Variants in DCHS1 observed in about 807,000 individuals in gnomAD.
DCHS1 encodes protocadherin-16.
DCHS1 carries 78 observed loss-of-function variants against 213.9 expected under a neutral mutation model. That is an observed-to-expected ratio of 0.36 (90% CI 0.30 to 0.44). The LOEUF (loss-of-function observed/expected upper bound fraction) is 0.44, where lower values mean the gene tolerates loss of function less well. Ranked by LOEUF, DCHS1 falls within the 20% of genes least tolerant of loss-of-function variation. The pLI is 1.00. For missense variants in DCHS1, 3,946 were observed against 4,395.9 expected (o/e 0.90, Z 2.89); for synonymous variants, 1,828 against 1,873.7 (o/e 0.98, Z 0.63).
chr11:6,633,262 G>A (rs1220053390), intron 5 of DCHS1, 150 bp downstream of exon 5: 7 of 1,020,430 alleles, frequency 6.9e-6, no homozygotes, highest in Non-Finnish European at 1.0e-5. Context: ...TGCCTGCACT[G>A]TGCCTAAGGA....
intron 1 of DCHS1, among the ~76,000 whole-genome samples, chr11:6,648,149 T>C (rs1418631438): frequency 6.6e-6 from 1 of 152,196 alleles, no homozygotes; most frequent in Non-Finnish European, 1.5e-5. Context: ...AGCCTGCAGC[T>C]TAGCATAGAG....
chr11:6,639,845 C>T lies in DCHS1; in HGVS notation c.1769G>A (p.Gly590Asp). The change falls in exon 2 of 21, where the codon GGC becomes GAC. Residue 590 changes from glycine (G) to aspartate (D), a missense_variant. Coordinates refer to ENST00000299441, the MANE Select transcript of DCHS1 (RefSeq NM_003737.4). ...RTFYNASLPE[G>D]TQPGTCFLQV... ...CAGGAAGCAAGTTCCAGGCTGGGTG[C>T]CCTCAGGCAGTGAGGCATTGTAGAA... 1.9e-6 allele frequency: 3 copies of T among 1,605,882 alleles called. No individual in the cohort carries two copies. Among genetic ancestry groups the T allele is most frequent in the East Asian group, 4.5e-5 (2 of 44,736 alleles).
rs775960275 is a variant in DCHS1, at chr11:6,623,037, C to G, written c.8639G>C (p.Gly2880Ala). The G allele has an allele frequency of 1.5e-5, 23 of 1,574,208 alleles. No homozygotes were observed. In the Admixed American group the frequency reaches 4.2e-4, roughly 29 times the overall value. ...LRVDSRAPGS[G>A]TATSGGGGRT... ...GCCCCCACCCCCAGAGGTGGCTGTT[C>G]CGCTGCCTGGTGCCCGACTGTCCAC... Residue 2880 changes from glycine (G) to alanine (A), a missense_variant, in exon 21 of 21, where the codon GGA becomes GCA. Around this residue, in one of 3 missense-constraint regions of DCHS1, gnomAD observed 554 missense variants for 590.2 expected, o/e 0.94. Coordinates refer to ENST00000299441, the MANE Select transcript of DCHS1 (RefSeq NM_003737.4).
In DCHS1 at chr11:6,627,171, A is replaced by G. The variant is rs752047205; in HGVS notation, c.5868T>C (p.His1956=). ...GAGGACTGGTGGGGAAGGTGGGTGC[A>G]TGGTCATTGACATCGCGCACCGTGA... is the stretch of plus-strand genomic sequence containing the variant. ...VTITVRDVND[H]APTFPTSPLR... is the part of the protein sequence containing the mutation. The change falls in exon 14 of 21, where the codon CAT becomes CAC. Residue 1956 remains histidine (H), a synonymous_variant. Transcript: ENST00000299441. This position sits in a 1 kb window ranked among gnomAD's most constrained non-coding sequence, Gnocchi z 5.4. 7.6e-5 allele frequency: 122 copies of G among 1,612,318 alleles called. No individual in the cohort carries two copies. Among genetic ancestry groups the G allele is most frequent in the Non-Finnish European group, 1.9e-5 (22 of 1,179,168 alleles).
At chr11:6,631,902 A>G in intron 6 of DCHS1, 93 bp from the exon 7 acceptor site, 2 of 1,431,770 alleles carry the variant, frequency 1.4e-6, no homozygotes, top group South Asian at 1.5e-5. Flanking sequence ...GGAGTGGGGG[A>G]GGGAATGCCA....
In DCHS1 at chr11:6,626,752, G is replaced by A. The variant is rs1211046340; in HGVS notation, c.6250+37C>T. The A allele has an allele frequency of 6.2e-7, 1 of 1,609,116 alleles. No individual in the cohort carries two copies. Among genetic ancestry groups the A allele is most frequent in the Admixed American group, 1.7e-5 (1 of 59,972 alleles). On this transcript the variant is annotated intron_variant, in intron 14 of 20. Coordinates refer to ENST00000299441, the MANE Select transcript of DCHS1 (RefSeq NM_003737.4). The surrounding 1 kb of genome is among the most constrained non-coding windows in gnomAD (Gnocchi z 5.2). Reference sequence around the variant, plus strand: ...TTCAAAGCACAACCCCAGCCCATTTGGGAGTCTGAATCTGGAAGAAATGGC... The same window carrying A: ...TTCAAAGCACAACCCCAGCCCATTTAGGAGTCTGAATCTGGAAGAAATGGC...
Position 6,633,011 on chromosome 11 carries a change from C to T in DCHS1, c.2501G>A (p.Arg834Gln), listed in dbSNP as rs751555542. The change falls in exon 6 of 21, where the codon CGA (arginine) becomes CAA (glutamine). Residue 834 changes from arginine to glutamine, a missense_variant. By Grantham distance (43) the Arg-to-Gln change is conservative. Transcript: ENST00000299441. ...TACCGCATCTAGGGAGAAGAGTCCT[C>T]GGGGATCCCCACCTGATAGGGAAAG... ...VTLSLSGGDP[R>Q]GLFSLDAVSG... 24 of 1,611,672 alleles carry T rather than the reference C, an allele frequency of 1.5e-5. No individual in the cohort carries two copies. Among genetic ancestry groups the T allele is most frequent in the Middle Eastern group, 1.6e-4 (1 of 6,082 alleles).
At chr11:6,639,081 G>A (rs1856026355) in intron 2 of DCHS1, among the ~76,000 whole-genome samples, 1 of 150,730 alleles carries the variant, frequency 6.6e-6, no homozygotes, top group Non-Finnish European at 1.5e-5. Context: ...CCGCACTCCA[G>A]CCTGGGCAAC....
At chr11:6,645,217 T>A (rs1400329155) in intron 1 of DCHS1, among the ~76,000 whole-genome samples, 2 of 152,222 alleles carry the variant, frequency 1.3e-5, no homozygotes, top group Admixed American at 6.5e-5. Flanking sequence ...TGGGGTTGTA[T>A]GTGTGCCACA....
At chr11:6,633,216 C>T (rs1855939754) in intron 5 of DCHS1, among the ~76,000 whole-genome samples, 160 bp from the exon 6 acceptor site, 1 of 149,430 alleles carries the variant, frequency 6.7e-6, no homozygotes, top group African/African-American at 2.4e-5. Context: ...GGTTGGCACG[C>T]ACTGAGGTGA....
chr11:6,632,409 G>C lies in DCHS1; in HGVS notation c.3103C>G (p.His1035Asp). ...CTACTTGCTCCCTCTGCTGCAAGGT[G>C]ATAGGTGATAGGGCCCCCATCTGGT... is the stretch of plus-strand genomic sequence containing the variant. The part of the protein sequence containing the change: ...QAPDGGPITY[H>D]LAAEGASSPF... The change falls in exon 6 of 21, where the codon CAC becomes GAC. Residue 1035 changes from histidine to aspartate, a missense_variant. His to Asp is a moderately conservative substitution (Grantham distance 81, BLOSUM62 -1). Around this residue, in one of 3 missense-constraint regions of DCHS1, gnomAD observed 3,384 missense variants for 3,780.1 expected, o/e 0.90. Transcript: ENST00000299441. The surrounding 1 kb of genome is among the most constrained non-coding windows in gnomAD (Gnocchi z 5.9). 6.2e-7 allele frequency: 1 copy of C among 1,613,168 alleles called. No homozygotes were observed. Among genetic ancestry groups the C allele is most frequent in the Non-Finnish European group, 8.5e-7 (1 of 1,179,340 alleles).
chr11:6,622,085 G>A lies in DCHS1; in HGVS notation c.9591C>T (p.Pro3197=). 1 of 1,612,902 alleles carries A rather than the reference G, an allele frequency of 6.2e-7. No individual in the cohort carries two copies. The highest frequency in any genetic ancestry group is 1.7e-5 in the Admixed American group (1 of 59,984). The stretch of plus-strand genomic sequence containing the variant: ...TGATGAGGGGTGGTGGGTCGATACG[G>A]GGAGCTGGGGGACATGGCCGAGCTT... ...KDEARPCPPA[P]RIDPPPLITA... Residue 3197 remains proline (P), a synonymous_variant, in exon 21 of 21, where the codon CCC becomes CCT. Transcript: ENST00000299441. This position sits in a 1 kb window ranked among gnomAD's most constrained non-coding sequence, Gnocchi z 5.4.
rs1377647509 is a variant in DCHS1, at chr11:6,633,062, G to A, written c.2456-6C>T. ...GGTCACAGGTGCCAAGCGACCTAGG[G>A]AGGATGAAAAAGGGATCAGGAAAGA... On this transcript the variant is annotated splice_polypyrimidine_tract_variant and splice_region_variant and intron_variant, in intron 5 of 20. Transcript: ENST00000299441. The A allele has an allele frequency of 6.3e-7, 1 of 1,589,270 alleles. No homozygotes were observed.
Position 6,622,647 on chromosome 11 carries a change from T to A in DCHS1, c.9029A>T (p.Tyr3010Phe). 1.3e-6 allele frequency: 2 copies of A among 1,590,836 alleles called. No individual in the cohort carries two copies. The highest frequency in any genetic ancestry group is 1.7e-6 in the Non-Finnish European group (2 of 1,168,794). ...GGGTCCTCCAGCTCCTGGCCCACCA[T>A]AGCTGGGAAGAGTCTGGTGATAGAG... ...EHLYHQTLPS[Y>F]GGPGAGGPYP... is the part of the protein sequence containing the mutation. The change falls in exon 21 of 21, where the codon TAT becomes TTT. Residue 3010 changes from tyrosine to phenylalanine, a missense_variant. Physicochemically the swap from Tyr to Phe is conservative, Grantham distance 22. Around this residue, in one of 3 missense-constraint regions of DCHS1, gnomAD observed 554 missense variants for 590.2 expected, o/e 0.94. Transcript: ENST00000299441. The surrounding 1 kb of genome is among the most constrained non-coding windows in gnomAD (Gnocchi z 5.4).
chr11:6,625,520 A>G lies in DCHS1; in HGVS notation c.6863-39T>C. 1 of 1,608,478 alleles carries G rather than the reference A, an allele frequency of 6.2e-7. No individual in the cohort carries two copies. ...GACTAGTGTGTTTGGCAATGGACACAGCCCCACCTTGAGCTGCAGGGTGGA... is the reference window on the plus strand; with the variant it reads ...GACTAGTGTGTTTGGCAATGGACACGGCCCCACCTTGAGCTGCAGGGTGGA... On this transcript the variant is annotated intron_variant, in intron 18 of 20. Transcript: ENST00000299441. The surrounding 1 kb of genome is among the most constrained non-coding windows in gnomAD (Gnocchi z 5.3).
At chr11:6,655,168 A>G (rs753738292) in intron 1 of DCHS1, among the ~76,000 whole-genome samples, 22 of 152,016 alleles carry the variant, frequency 1.4e-4, no homozygotes, top group Admixed American at 2.6e-4. Context: ...CTCGCTCACC[A>G]TGACACACGG....
In DCHS1 at chr11:6,632,659, C is replaced by T. The variant is rs1393005461; in HGVS notation, c.2853G>A (p.Arg951=). The change falls in exon 6 of 21, where the codon CGG becomes CGA. Residue 951 remains arginine, a synonymous_variant. Coordinates refer to ENST00000299441, the MANE Select transcript of DCHS1 (RefSeq NM_003737.4). The surrounding 1 kb of genome is among the most constrained non-coding windows in gnomAD (Gnocchi z 5.9). ...CTGAGGGCCCCAGAGGCCTCATAAGCCGTACATGGCCTGTGGTGGGGTCCA... is the reference window on the plus strand; with the variant it reads ...CTGAGGGCCCCAGAGGCCTCATAAGTCGTACATGGCCTGTGGTGGGGTCCA... ...FTVDPTTGHV[R]LMRPLGPSGG... is the part of the protein sequence containing the mutation. The T allele has an allele frequency of 1.9e-6, 3 of 1,568,182 alleles. No homozygotes were observed. The highest frequency in any genetic ancestry group is 2.3e-5 in the South Asian group (2 of 85,954).
intron 1 of DCHS1, among the ~76,000 whole-genome samples, chr11:6,642,886 T>G (rs1482538579): frequency 6.6e-6 from 1 of 152,186 alleles, no homozygotes; most frequent in African/African-American, 2.4e-5. Context: ...GAGATGACAC[T>G]GCTTTGATGG....
In DCHS1 at chr11:6,623,517, G is replaced by A. The variant is rs141056372; in HGVS notation, c.8159C>T (p.Pro2720Leu). 2.5e-6 allele frequency: 4 copies of A among 1,604,684 alleles called. No homozygotes were observed. The African/African-American group carries it at 5.4e-5, about 21-fold the overall frequency. Residue 2720 changes from proline (P) to leucine (L), a missense_variant, in exon 21 of 21, where the codon CCT (proline) becomes CTT (leucine). Pro to Leu is a moderately conservative substitution (Grantham distance 98). Transcript: ENST00000299441. ...CAGAGTGGTCACGAGAGTGCCTGGAGGCTGATTCTCGGCCACGCTGGTGCT... is the reference window on the plus strand; with the variant it reads ...CAGAGTGGTCACGAGAGTGCCTGGAAGCTGATTCTCGGCCACGCTGGTGCT... Reference protein sequence around the residue: ...LLSTSVAENQPPGTLVTTLHA... With the variant: ...LLSTSVAENQLPGTLVTTLHA...
Sources: gnomAD v4.1 joint callset for allele counts (sites outside exome capture counted in the v4.1 genomes callset) on GRCh38, gnomAD v4.1.1 for gene constraint, gnomAD v4.1.1 regional missense constraint, Gnocchi (gnomAD v3.1) non-coding constraint, MANE v1.5 for transcripts, NCBI Gene and HGNC (gene_info 2026-07-23, HGNC 2026-07-21) for gene names.